Variants in DAPK1 observed in about 807,000 individuals in gnomAD.
The protein encoded by DAPK1 is death associated protein kinase 1, also known as death-associated protein kinase 1.
In DAPK1, 56 loss-of-function variants were observed where a neutral mutation model predicts 144.9. The ratio of observed to expected loss-of-function variants is 0.39; its 90% CI spans 0.31 to 0.48. The LOEUF (loss-of-function observed/expected upper bound fraction) is 0.48, where lower values mean the gene tolerates loss of function less well. Ranked by LOEUF, DAPK1 falls within the 20% of genes least tolerant of loss-of-function variation. The probability of loss-of-function intolerance (pLI) is 0.95; values close to 1 mark genes in which losing one functional copy is unlikely to be tolerated. For synonymous variants in DAPK1, 690 were observed against 749.0 expected (o/e 0.92, Z 1.29); for missense variants, 1,454 against 1,875.4 (o/e 0.78, Z 4.15).
chr9:87,562,482 C>T (rs1429438559), intron 2 of DAPK1, among the ~76,000 whole-genome samples: 2 of 152,174 alleles, frequency 1.3e-5, no homozygotes, highest in Non-Finnish European at 2.9e-5. Flanking sequence ...AGTCACATGG[C>T]CACACTCAAT....
chr9:87,614,658 C>T (rs4877368), intron 3 of DAPK1, among the ~76,000 whole-genome samples: 57,287 of 152,070 alleles, frequency 0.38, 14,525 homozygotes, highest in African/African-American at 0.71. Flanking sequence ...TGTGGAATTG[C>T]GGCTTTAGCT....
intron 2 of DAPK1, among the ~76,000 whole-genome samples, chr9:87,588,226 A>G (rs983659836): frequency 6.6e-6 from 1 of 152,204 alleles, no homozygotes; most frequent in African/African-American, 2.4e-5. Context: ...GAAGACTTGA[A>G]TTGGTGGTTT....
chr9:87,694,171 G>C (rs555116278), intron 21 of DAPK1, among the ~76,000 whole-genome samples: 1 of 152,306 alleles, frequency 6.6e-6, no homozygotes, highest in Admixed American at 6.5e-5. Context: ...ACAGCCCTCT[G>C]GCTCCCAAGC....
chr9:87,680,943 T>C (rs1019746834), intron 19 of DAPK1, among the ~76,000 whole-genome samples: 3 of 152,216 alleles, frequency 2.0e-5, no homozygotes, highest in African/African-American at 7.2e-5. Context: ...TTTGATGTTA[T>C]GTGAATTTTA....
At position 87,662,573 on chromosome 9, in the gene DAPK1, T is replaced by TTTTTG. The variant is rs1554700270; in HGVS notation, c.1923+4450_1923+4451insGTTTT. On this transcript the variant is annotated intron_variant, in intron 18 of 25. Transcript: ENST00000408954. Reference sequence around the variant, plus strand: ...AATATATTCCTAGTTTTTTTTTTTTTTTTTTTTTTTTTGGTAGCTATTGTA... The same window carrying TTTTTG: ...AATATATTCCTAGTTTTTTTTTTTTTTTTTGTTTTTTTTTTTTGGTAGCTATTGTA... Among the ~76,000 whole-genome samples the TTTTTG allele has an allele frequency of 4.3e-5, 6 of 140,076 alleles. 1 individual carries two copies. Among genetic ancestry groups the TTTTTG allele is most frequent in the Non-Finnish European group, 7.7e-5 (5 of 64,910 alleles). The allele number at this position is 140,076 out of a possible 152,430, so 91.9% of individuals were successfully genotyped here.
chr9:87,668,091 T>C (rs1245232154), intron 18 of DAPK1: 1 of 153,536 alleles, frequency 6.5e-6, no homozygotes, highest in Non-Finnish European at 1.5e-5. Flanking sequence ...CACCAAAAGA[T>C]CTTTCAATCA....
At chr9:87,632,568 G>C in intron 3 of DAPK1, 1 of 972,950 alleles carries the variant, frequency 1.0e-6, no homozygotes, top group Non-Finnish European at 1.2e-6. Context: ...AGGAGGATGA[G>C]TATACATGTA....
intron 2 of DAPK1, among the ~76,000 whole-genome samples, chr9:87,565,242 G>C (rs1045778446): frequency 2.8e-5 from 4 of 142,118 alleles, no homozygotes; most frequent in Non-Finnish European, 4.4e-5. Flanking sequence ...GAGTGTCGAG[G>C]CTGTAGAGAA....
chr9:87,558,573 G>A (rs992208349), intron 2 of DAPK1, among the ~76,000 whole-genome samples: 5 of 152,114 alleles, frequency 3.3e-5, no homozygotes, highest in African/African-American at 9.7e-5. Flanking sequence ...GCACACCAAC[G>A]TCCCTTTCGA....
intron 20 of DAPK1, among the ~76,000 whole-genome samples, chr9:87,685,359 G>A (rs1376859609): frequency 6.6e-6 from 1 of 152,068 alleles, no homozygotes; most frequent in Non-Finnish European, 1.5e-5. Context: ...TTAAGTAAGG[G>A]ATTACCTTGG....
intron 2 of DAPK1, among the ~76,000 whole-genome samples, chr9:87,499,871 T>C (rs201872564): frequency 6.6e-6 from 1 of 152,200 alleles, no homozygotes; most frequent in East Asian, 1.9e-4. Context: ...GCTGTTTCCT[T>C]TGACTGTGTA....
chr9:87,590,710 C>T lies in DAPK1; in HGVS notation c.63-14244C>T, dbSNP rs1828102560. On this transcript the variant is annotated intron_variant, in intron 2 of 25. Coordinates refer to ENST00000408954, the MANE Select transcript of DAPK1 (RefSeq NM_004938.4). ...TCAAGCCATCCTCTCACCTCAGCCT[C>T]CTAAGTAGCTAGGAATACAGGCGTG... Among the ~76,000 whole-genome samples, 3 of 152,158 alleles carry T rather than the reference C, an allele frequency of 2.0e-5. No individual in the cohort carries two copies. In the South Asian group the frequency reaches 6.2e-4, roughly 32 times the overall value.
intron 2 of DAPK1, among the ~76,000 whole-genome samples, chr9:87,578,874 AG>A (rs1827651987): frequency 1.3e-5 from 2 of 152,130 alleles, no homozygotes; most frequent in Non-Finnish European, 2.9e-5. Context: ...TTGGGATTTG[AG>A]GCCATCTGGG....
At position 87,658,854 on chromosome 9, in the gene DAPK1, A is replaced by AT. The variant is rs772237497; in HGVS notation, c.1923+727_1923+728insT. ...GTCTTTGTGGGACAGTCCTGGACTC[A>AT]CAGATGAGAGCTTTACTGACAGAGG... On this transcript the variant is annotated intron_variant, in intron 18 of 25. Transcript: ENST00000408954. 2.1e-4 allele frequency among the ~76,000 whole-genome samples: 32 copies of AT among 152,346 alleles called. No individual in the cohort carries two copies. In the East Asian group the frequency reaches 6.2e-3, roughly 29 times the overall value.
intron 2 of DAPK1, among the ~76,000 whole-genome samples, chr9:87,542,406 A>G (rs1216951504): frequency 6.6e-6 from 1 of 152,176 alleles, no homozygotes; most frequent in Non-Finnish European, 1.5e-5. Context: ...ACACAGAGTA[A>G]GGAATAAAGT....
intron 19 of DAPK1, among the ~76,000 whole-genome samples, chr9:87,671,325 G>C (rs1824136550): frequency 6.6e-6 from 1 of 151,896 alleles, no homozygotes; most frequent in African/African-American, 2.4e-5. Flanking sequence ...ATTTTTAAAA[G>C]AGATGGGAAG....
chr9:87,707,088 C>G lies in DAPK1; in HGVS notation c.4017C>G (p.Leu1339=), dbSNP rs772323488. The G allele has an allele frequency of 3.1e-6, 5 of 1,613,900 alleles. No homozygotes were observed. The Admixed American group carries it at 8.3e-5, about 27-fold the overall frequency. The part of the protein sequence containing the change: ...LLAMNLGLPD[L]VAKYNTSNGA... ...CCATGAACTTAGGCCTCCCTGACCT[C>G]GTGGCAAAGTACAACACCAGTAACG... The change falls in exon 26 of 26, where the codon CTC becomes CTG. Residue 1339 remains leucine, a synonymous_variant. Coordinates refer to ENST00000408954, the MANE Select transcript of DAPK1 (RefSeq NM_004938.4). This position sits in a 1 kb window ranked among gnomAD's most constrained non-coding sequence, Gnocchi z 4.0.
At chr9:87,509,517 C>T (rs1443673184) in intron 2 of DAPK1, among the ~76,000 whole-genome samples, 5 of 152,246 alleles carry the variant, frequency 3.3e-5, no homozygotes, top group East Asian at 1.9e-4. Flanking sequence ...TGCACCACCA[C>T]GCCCCGCTAA....
chr9:87,639,487 A>G lies in DAPK1; in HGVS notation c.553+4A>G, dbSNP rs952332974. The G allele has an allele frequency of 8.7e-6, 14 of 1,610,852 alleles. No homozygotes were observed. In the Middle Eastern group the frequency reaches 8.2e-4, roughly 95 times the overall value. ...TTTGGGACTCCAGAGTTTGTCGGTA[A>G]GTTTCTTTGCTCCTGTGGTCATTTA... On this transcript the variant is annotated splice_donor_region_variant and intron_variant, in intron 5 of 25. Transcript: ENST00000408954.
Sources: allele counts gnomAD v4.1 joint callset (sites outside exome capture counted in the v4.1 genomes callset), GRCh38; gene constraint gnomAD v4.1.1; non-coding constraint Gnocchi (gnomAD v3.1); transcripts MANE v1.5; gene names NCBI Gene and HGNC (gene_info 2026-07-23, HGNC 2026-07-21).